The following NXPE2 variants were observed in gnomAD, a reference collection of about 807,000 sequenced individuals.
The protein encoded by NXPE2 is NXPE family member 2.
A neutral mutation model predicts 34.4 loss-of-function variants in NXPE2; 34 were observed. The ratio of observed to expected loss-of-function variants is 0.99; its 90% confidence interval spans 0.75 to 1.31. The LOEUF (loss-of-function observed/expected upper bound fraction) is 1.31, where lower values mean the gene tolerates loss of function less well. Among genes scored for constraint, NXPE2 ranks in the 40% most tolerant of loss-of-function variants. NXPE2 has a pLI of 0.00. For synonymous variants in NXPE2, 235 were observed against 231.3 expected (o/e 1.02, Z -0.15); for missense variants, 649 against 672.5 (o/e 0.97, Z 0.39).
the NXPE2 span, among the ~76,000 whole-genome samples, chr11:114,639,835 A>T: frequency 1.2e-3 from 131 of 110,074 alleles, 3 homozygotes; most frequent in African/African-American, 5.5e-3. Context: ...TATATATTAT[A>T]TTAAATATAA....
chr11:114,805,660 G>C, the NXPE2 span, among the ~76,000 whole-genome samples: 4 of 152,180 alleles, frequency 2.6e-5, no homozygotes, highest in Non-Finnish European at 4.4e-5. Context: ...TGCCATTGCC[G>C]AGTTAGTTGC....
chr11:114,495,546 C>G, the NXPE2 span, among the ~76,000 whole-genome samples: 7 of 151,722 alleles, frequency 4.6e-5, no homozygotes, highest in Non-Finnish European at 1.0e-4. Flanking sequence ...AAACAAAGTC[C>G]CCTTTACTCT....
At chr11:114,479,287 G>A in the NXPE2 span, among the ~76,000 whole-genome samples, 3 of 152,156 alleles carry the variant, frequency 2.0e-5, no homozygotes, top group African/African-American at 7.2e-5. Flanking sequence ...GATTTGATTC[G>A]ATTGATGGAA....
chr11:114,549,899 A>C, the NXPE2 span, among the ~76,000 whole-genome samples: 2,086 of 150,248 alleles, frequency 0.014, 50 homozygotes, highest in African/African-American at 0.049. Flanking sequence ...ATAATATATA[A>C]AAAAATAGCT....
the NXPE2 span, chr11:114,594,593 C>G: frequency 8.2e-6 from 8 of 975,464 alleles, no homozygotes; most frequent in African/African-American, 1.1e-4. Flanking sequence ...GTAGTTTAGC[C>G]TTTCCTAGAA....
chr11:114,810,082 C>T, the NXPE2 span, among the ~76,000 whole-genome samples: 1 of 149,278 alleles, frequency 6.7e-6, no homozygotes, highest in Non-Finnish European at 1.5e-5. Flanking sequence ...CAAAAACAAG[C>T]AATGGGGAAA....
the NXPE2 span, among the ~76,000 whole-genome samples, chr11:114,807,809 C>T: frequency 1.3e-5 from 2 of 151,896 alleles, no homozygotes; most frequent in Non-Finnish European, 2.9e-5. Context: ...ACAAGGATAC[C>T]CAGGAATTGA....
the NXPE2 span, among the ~76,000 whole-genome samples, chr11:114,627,419 A>G: frequency 6.6e-6 from 1 of 151,658 alleles, no homozygotes; most frequent in Non-Finnish European, 1.5e-5. Context: ...CAGCCAAACT[A>G]AGCTTCATAA....
At chr11:114,480,316 T>C in the NXPE2 span, among the ~76,000 whole-genome samples, 1 of 152,200 alleles carries the variant, frequency 6.6e-6, no homozygotes, top group African/African-American at 2.4e-5. Context: ...AGGAAAACTA[T>C]AATCCCTTGG....
the NXPE2 span, among the ~76,000 whole-genome samples, chr11:114,524,557 A>G: frequency 6.6e-6 from 1 of 152,300 alleles, no homozygotes; most frequent in South Asian, 2.1e-4. Context: ...TTATGTTGGA[A>G]TTACAGTGTG....
the NXPE2 span, among the ~76,000 whole-genome samples, chr11:114,640,147 T>G: frequency 1.4e-4 from 14 of 97,562 alleles, no homozygotes; most frequent in South Asian, 4.3e-3. Context: ...ATATAATATA[T>G]GATATATTAA....
chr11:114,530,721 G>C, the NXPE2 span: 1 of 1,614,210 alleles, frequency 6.2e-7, no homozygotes, highest in East Asian at 2.2e-5. Context: ...TGTGGCACTG[G>C]TGGTGGTGTT....
At chr11:114,754,745 A>G in the NXPE2 span, among the ~76,000 whole-genome samples, 6 of 152,136 alleles carry the variant, frequency 3.9e-5, no homozygotes, top group Non-Finnish European at 5.9e-5. Context: ...CTGTTGACCA[A>G]TGGGAATAGA....
the NXPE2 span, among the ~76,000 whole-genome samples, chr11:114,784,594 T>A: frequency 1.3e-5 from 2 of 152,170 alleles, no homozygotes; most frequent in Non-Finnish European, 2.9e-5. Flanking sequence ...GAGATGTGAG[T>A]GGCTTTATAA....
chr11:114,528,119 C>G, the NXPE2 span, among the ~76,000 whole-genome samples: 3 of 152,110 alleles, frequency 2.0e-5, no homozygotes, highest in Non-Finnish European at 2.9e-5. Context: ...GCAGCTCTAC[C>G]GATCTGCCAC....
At chr11:114,571,370 G>A in the NXPE2 span, 2 of 1,613,990 alleles carry the variant, frequency 1.2e-6, no homozygotes, top group Non-Finnish European at 1.7e-6. Context: ...ATCCTATCAA[G>A]GGATAACAAT....
the NXPE2 span, chr11:114,554,491 G>A: frequency 1.7e-6 from 1 of 584,496 alleles, no homozygotes; most frequent in Non-Finnish European, 2.2e-6. Context: ...AAAATAAAAT[G>A]TATAGAATTA....
the NXPE2 span, chr11:114,582,629 G>A: frequency 2.8e-5 from 45 of 1,614,048 alleles, no homozygotes; most frequent in South Asian, 2.0e-4. Context: ...AGCTGACCAG[G>A]TAGGTGCCGT....
At chr11:114,656,918 C>T in the NXPE2 span, among the ~76,000 whole-genome samples, 1 of 151,998 alleles carries the variant, frequency 6.6e-6, no homozygotes, top group African/African-American at 2.4e-5. Flanking sequence ...CGGTGAAACC[C>T]CGTCTCTACT....
Sources: gnomAD v4.1 joint callset for allele counts (sites outside exome capture counted in the v4.1 genomes callset) on GRCh38, gnomAD v4.1.1 for gene constraint, MANE v1.5 for transcripts, NCBI Gene and HGNC (gene_info 2026-07-23, HGNC 2026-07-21) for gene names.